Variants in CAMKMT observed in about 807,000 individuals in gnomAD.
CAMKMT encodes the protein calmodulin-lysine N-methyltransferase, also known as CaM KMT.
CAMKMT carries 53 observed loss-of-function variants against 48.0 expected under a neutral mutation model. The observed-to-expected ratio is 1.10, with a 90% CI of 0.89 to 1.39. The LOEUF (loss-of-function observed/expected upper bound fraction) is 1.39. Ranked by LOEUF, CAMKMT falls within the 40% of genes most tolerant of loss-of-function variation. CAMKMT has a pLI of 0.00. For synonymous variants in CAMKMT, 165 were observed against 152.3 expected (o/e 1.08, Z -0.61); for missense variants, 428 against 402.7 (o/e 1.06, Z -0.54).
intron 3 of CAMKMT, among the ~76,000 whole-genome samples, chr2:44,512,720 A>G (rs1572687044): frequency 1.3e-5 from 2 of 152,386 alleles, no homozygotes; most frequent in East Asian, 1.9e-4. Flanking sequence ...TGAAATTTTG[A>G]AAGACATGAT....
At chr2:44,760,689 G>A (rs1054213603) in intron 9 of CAMKMT, among the ~76,000 whole-genome samples, 3 of 151,982 alleles carry the variant, frequency 2.0e-5, no homozygotes, top group African/African-American at 7.3e-5. Context: ...TATGGGTAAC[G>A]GAGAGCCATT....
intron 3 of CAMKMT, among the ~76,000 whole-genome samples, chr2:44,663,912 A>G (rs551883581): frequency 6.6e-6 from 1 of 152,272 alleles, no homozygotes; most frequent in South Asian, 2.1e-4. Context: ...AAGATAAATA[A>G]AATTTATGGT....
chr2:44,396,934 C>A (rs984507973), intron 3 of CAMKMT, among the ~76,000 whole-genome samples: 12 of 151,692 alleles, frequency 7.9e-5, no homozygotes, highest in African/African-American at 2.9e-4. Flanking sequence ...TGGCGTGAGG[C>A]TGTAGTCTCA....
Position 44,654,441 on chromosome 2 carries a change from G to T in CAMKMT, c.377-49842G>T, listed in dbSNP as rs142072991. On this transcript the variant is annotated intron_variant, in intron 3 of 10. Coordinates refer to ENST00000378494, the MANE Select transcript of CAMKMT (RefSeq NM_024766.5). ...TAATCCTAGAAGCCAAAGATTAACT[G>T]TTAACAATTAGTTGTATGCCCTTTA... is the stretch of plus-strand genomic sequence containing the variant. Among the ~76,000 whole-genome samples the T allele has an allele frequency of 5.3e-3, 810 of 152,266 alleles. 7 individuals are homozygous for T. The highest frequency in any genetic ancestry group is 0.019 in the African/African-American group (770 of 41,560).
chr2:44,472,777 G>A (rs1322696895), intron 3 of CAMKMT, among the ~76,000 whole-genome samples: 1 of 152,142 alleles, frequency 6.6e-6, no homozygotes, highest in East Asian at 1.9e-4. Context: ...TCTGCAGATA[G>A]CAAAACATAA....
intron 3 of CAMKMT, among the ~76,000 whole-genome samples, chr2:44,597,603 C>T (rs1670737672): frequency 6.6e-6 from 1 of 152,150 alleles, no homozygotes; most frequent in Non-Finnish European, 1.5e-5. Flanking sequence ...TTATGGATCC[C>T]TTCTCAAAAT....
At chr2:44,436,178 C>T (rs1196776961) in intron 3 of CAMKMT, among the ~76,000 whole-genome samples, 3 of 152,250 alleles carry the variant, frequency 2.0e-5, no homozygotes, top group Admixed American at 6.5e-5. Flanking sequence ...CAGGTTCAAG[C>T]GATTCTCGTG....
chr2:44,425,612 A>G (rs1228264406), intron 3 of CAMKMT, among the ~76,000 whole-genome samples: 1 of 152,172 alleles, frequency 6.6e-6, no homozygotes, highest in Non-Finnish European at 1.5e-5. Context: ...ACAATGAGTA[A>G]TTGATGTTAC....
chr2:44,768,361 A>ATATATATATATT (rs35058824), intron 10 of CAMKMT, among the ~76,000 whole-genome samples: 35 of 115,728 alleles, frequency 3.0e-4, no homozygotes, highest in African/African-American at 7.8e-4. Context: ...ATATATATAT[A>ATATATATATATT]TTTTTTTTTT....
At chr2:44,545,028 A>C (rs1290109253) in intron 3 of CAMKMT, among the ~76,000 whole-genome samples, 1 of 152,196 alleles carries the variant, frequency 6.6e-6, no homozygotes, top group Non-Finnish European at 1.5e-5. Flanking sequence ...CCAAACAGCA[A>C]ATTTTCCATA....
At chr2:44,438,011 T>TA (rs1413551201) in intron 3 of CAMKMT, among the ~76,000 whole-genome samples, 3 of 152,176 alleles carry the variant, frequency 2.0e-5, no homozygotes, top group African/African-American at 7.2e-5. Context: ...GACAGCTTCT[T>TA]ATTCCATGTT....
chr2:44,770,497 G>A (rs1681058787), intron 10 of CAMKMT, among the ~76,000 whole-genome samples: 1 of 152,204 alleles, frequency 6.6e-6, no homozygotes, highest in Admixed American at 6.5e-5. Flanking sequence ...CTGTATATTA[G>A]TGCATTGTGA....
chr2:44,394,664 G>T (rs1271874376), intron 3 of CAMKMT, among the ~76,000 whole-genome samples: 2 of 152,014 alleles, frequency 1.3e-5, no homozygotes, highest in Non-Finnish European at 2.9e-5. Flanking sequence ...CTGACCTCAG[G>T]TGATTTACCC....
intron 3 of CAMKMT, among the ~76,000 whole-genome samples, chr2:44,402,327 TAAA>T (rs61683632): frequency 2.1e-4 from 24 of 116,428 alleles, no homozygotes; most frequent in African/African-American, 4.1e-4. Flanking sequence ...AGACTCTGTC[TAAA>T]AAAAAAAAAA....
At chr2:44,456,636 A>T in intron 3 of CAMKMT, 1 of 1,546,868 alleles carries the variant, frequency 6.5e-7, no homozygotes, top group Non-Finnish European at 8.7e-7. Flanking sequence ...TTTAAATGGT[A>T]AATATGCCTG....
At chr2:44,418,081 A>G (rs113049635) in intron 3 of CAMKMT, among the ~76,000 whole-genome samples, 4,073 of 151,428 alleles carry the variant, frequency 0.027, 183 homozygotes, top group African/African-American at 0.093. Flanking sequence ...AATCCCAAAT[A>G]CTCTGGAGGC....
At chr2:44,483,322 A>C (rs1669065325) in intron 3 of CAMKMT, among the ~76,000 whole-genome samples, 2 of 152,186 alleles carry the variant, frequency 1.3e-5, no homozygotes, top group South Asian at 4.1e-4. Context: ...TTACTCATGA[A>C]TTCAACCACA....
intron 3 of CAMKMT, among the ~76,000 whole-genome samples, chr2:44,612,245 A>T (rs1008106398): frequency 1.4e-4 from 22 of 152,222 alleles, no homozygotes; most frequent in Admixed American, 1.4e-3. Flanking sequence ...GGGAATAATC[A>T]TTCGGGCAAT....
intron 3 of CAMKMT, among the ~76,000 whole-genome samples, chr2:44,590,232 G>T (rs1233685749): frequency 1.3e-5 from 2 of 152,054 alleles, no homozygotes; most frequent in African/African-American, 2.4e-5. Context: ...TCTTCTCTTT[G>T]TCTTTGTCTG....
Sources: allele counts gnomAD v4.1 joint callset (sites outside exome capture counted in the v4.1 genomes callset), GRCh38; gene constraint gnomAD v4.1.1; transcripts MANE v1.5; gene names NCBI Gene and HGNC (gene_info 2026-07-23, HGNC 2026-07-21).